DNAJC1: variants seen among roughly 807,000 people sequenced by gnomAD.
DNAJC1 encodes dnaJ homolog subfamily C member 1.
In DNAJC1, 58 loss-of-function variants were observed where a neutral mutation model predicts 76.6. The ratio of observed to expected loss-of-function variants is 0.76; its 90% CI spans 0.61 to 0.94. The LOEUF is 0.94. Ranked by LOEUF, DNAJC1 falls within the 40% of genes least tolerant of loss-of-function variation. DNAJC1 has a pLI of 0.00. For missense variants in DNAJC1, 689 were observed against 677.3 expected (o/e 1.02, Z -0.19); for synonymous variants, 258 against 267.9 (o/e 0.96, Z 0.36).
At chr10:21,853,499 T>C (rs556963113) in intron 8 of DNAJC1, among the ~76,000 whole-genome samples, 41 of 152,248 alleles carry the variant, frequency 2.7e-4, no homozygotes, top group Non-Finnish European at 4.9e-4. Context: ...GGAGCACACT[T>C]TGGCCTCCCT....
intron 8 of DNAJC1, among the ~76,000 whole-genome samples, chr10:21,815,067 G>GT (rs1265050736): frequency 6.6e-6 from 1 of 152,178 alleles, no homozygotes; most frequent in Non-Finnish European, 1.5e-5. Flanking sequence ...CTAGGGCACT[G>GT]TGTCAAAGAG....
intron 1 of DNAJC1, among the ~76,000 whole-genome samples, chr10:21,956,023 T>C (rs1304262708): frequency 1.3e-5 from 2 of 152,240 alleles, no homozygotes; most frequent in Non-Finnish European, 2.9e-5. Context: ...CTTTGTATTG[T>C]GATGCTCTAA....
intron 1 of DNAJC1, among the ~76,000 whole-genome samples, chr10:21,949,965 T>C (rs919446540): frequency 2.6e-5 from 4 of 152,104 alleles, no homozygotes; most frequent in South Asian, 2.1e-4. Flanking sequence ...AAAATGTTCT[T>C]AGTCAAATTT....
intron 8 of DNAJC1, among the ~76,000 whole-genome samples, chr10:21,811,342 G>A (rs907525026): frequency 6.6e-6 from 1 of 152,168 alleles, no homozygotes; most frequent in Admixed American, 6.5e-5. Flanking sequence ...ATTACAAATT[G>A]TATTAAGCCC....
intron 1 of DNAJC1, among the ~76,000 whole-genome samples, chr10:21,958,043 T>A (rs1025495569): frequency 6.6e-6 from 1 of 152,206 alleles, no homozygotes; most frequent in South Asian, 2.1e-4. Flanking sequence ...ACACTGGTTT[T>A]ACCAAGGATT....
At chr10:21,796,736 T>C (rs1234241224) in intron 9 of DNAJC1, among the ~76,000 whole-genome samples, 1 of 152,222 alleles carries the variant, frequency 6.6e-6, no homozygotes, top group South Asian at 2.1e-4. Flanking sequence ...CTGTTGGCCA[T>C]TTCTATGTCA....
intron 1 of DNAJC1, among the ~76,000 whole-genome samples, chr10:21,980,332 C>T (rs1266296585): frequency 2.3e-4 from 35 of 152,074 alleles, no homozygotes; most frequent in Admixed American, 2.3e-3. Context: ...AAGTTAACAT[C>T]ATCTGTGATG....
chr10:21,946,347 T>A (rs1309211372), intron 1 of DNAJC1, among the ~76,000 whole-genome samples: 1 of 152,112 alleles, frequency 6.6e-6, no homozygotes, highest in African/African-American at 2.4e-5. Context: ...ACACATTTTA[T>A]ATCCAAATGG....
chr10:21,767,930 G>T (rs1377861436), intron 9 of DNAJC1, among the ~76,000 whole-genome samples: 4 of 152,078 alleles, frequency 2.6e-5, no homozygotes, highest in Non-Finnish European at 5.9e-5. Flanking sequence ...AGGAGGTAGA[G>T]GTTGCAGTGA....
intron 8 of DNAJC1, among the ~76,000 whole-genome samples, chr10:21,837,069 CCT>C (rs1300621280): frequency 6.6e-6 from 1 of 152,254 alleles, no homozygotes; most frequent in Non-Finnish European, 1.5e-5. Context: ...CGCCGCCACG[CCT>C]GACTGGTATT....
At chr10:21,881,955 C>T (rs1456067349) in intron 8 of DNAJC1, among the ~76,000 whole-genome samples, 2 of 151,086 alleles carry the variant, frequency 1.3e-5, no homozygotes. Context: ...AAGATCAAAA[C>T]CATCCTGGCT....
chr10:21,779,276 T>C (rs557902300), intron 9 of DNAJC1, among the ~76,000 whole-genome samples: 1 of 152,256 alleles, frequency 6.6e-6, no homozygotes, highest in South Asian at 2.1e-4. Context: ...GTTTGAGATA[T>C]GAAAACAGAC....
intron 9 of DNAJC1, among the ~76,000 whole-genome samples, chr10:21,778,721 C>T (rs1316555752): frequency 6.6e-6 from 1 of 152,200 alleles, no homozygotes; most frequent in Non-Finnish European, 1.5e-5. Context: ...CCAGGTTCAT[C>T]TCACTGGGGC....
chr10:21,769,625 TCA>T (rs1180090645), intron 9 of DNAJC1, among the ~76,000 whole-genome samples: 6 of 152,208 alleles, frequency 3.9e-5, no homozygotes, highest in Admixed American at 6.5e-5. Flanking sequence ...ATTAAATCTC[TCA>T]GAGGTCTCCT....
intron 9 of DNAJC1, among the ~76,000 whole-genome samples, chr10:21,796,052 C>T (rs1255771836): frequency 2.0e-5 from 3 of 151,462 alleles, no homozygotes; most frequent in Non-Finnish European, 2.9e-5. Context: ...TCACTGCAAC[C>T]GCCACCTCCT....
chr10:21,993,404 C>G (rs914641319), intron 1 of DNAJC1, among the ~76,000 whole-genome samples: 10 of 152,172 alleles, frequency 6.6e-5, no homozygotes, highest in African/African-American at 2.4e-4. Context: ...GGCAGGGCAT[C>G]ACTATCTCAG....
At chr10:21,948,287 T>C (rs1837539023) in intron 1 of DNAJC1, among the ~76,000 whole-genome samples, 1 of 152,112 alleles carries the variant, frequency 6.6e-6, no homozygotes. Flanking sequence ...AAAGTACCTA[T>C]CAAATATGAA....
Position 21,813,599 on chromosome 10 carries a change from G to A in DNAJC1, c.979-7500C>T, listed in dbSNP as rs184267660. On this transcript the variant is annotated intron_variant, in intron 8 of 11. Transcript: ENST00000376980. ...TTTTTAGTAGAGATGGTGTTTCACCGTGTTAGCCAGGATGGTCTCGATCTC... is the reference window on the plus strand; with the variant it reads ...TTTTTAGTAGAGATGGTGTTTCACCATGTTAGCCAGGATGGTCTCGATCTC... 2.4e-4 allele frequency among the ~76,000 whole-genome samples: 37 copies of A among 152,072 alleles called. 1 individual carries two copies. Among genetic ancestry groups the A allele is most frequent in the Admixed American group, 1.9e-3 (29 of 15,270 alleles).
At chr10:21,825,744 T>A (rs899244447) in intron 8 of DNAJC1, among the ~76,000 whole-genome samples, 1 of 152,252 alleles carries the variant, frequency 6.6e-6, no homozygotes, top group African/African-American at 2.4e-5. Flanking sequence ...TGCTATCTTA[T>A]GTGGTTTTGA....
Sources: gnomAD v4.1 joint callset for allele counts (sites outside exome capture counted in the v4.1 genomes callset) on GRCh38, gnomAD v4.1.1 for gene constraint, MANE v1.5 for transcripts, NCBI Gene and HGNC (gene_info 2026-07-23, HGNC 2026-07-21) for gene names.